Variants in ZNF131 observed in about 807,000 individuals in gnomAD.
ZNF131 encodes the protein zinc finger protein 131.
A neutral mutation model predicts 60.0 loss-of-function variants in ZNF131; 7 were observed. That is an observed-to-expected ratio of 0.12 (90% CI 0.07 to 0.22). The LOEUF (loss-of-function observed/expected upper bound fraction) is 0.22, where lower values mean the gene tolerates loss of function less well. ZNF131 is among the 10% of genes least tolerant of loss of function. The pLI, the probability that ZNF131 is intolerant of heterozygous loss-of-function variation, is 1.00. For synonymous variants in ZNF131, 257 were observed against 253.2 expected (o/e 1.01, Z -0.14); for missense variants, 493 against 740.9 (o/e 0.67, Z 3.88).
At chr5:43,160,525 C>T (rs200392197) in intron 4 of ZNF131, among the ~76,000 whole-genome samples, 2 of 149,130 alleles carry the variant, frequency 1.3e-5, no homozygotes, top group African/African-American at 4.8e-5. Flanking sequence ...AAGGTCTTCT[C>T]CTGTTTTCTT....
chr5:43,130,135 G>T (rs537658566), intron 3 of ZNF131, among the ~76,000 whole-genome samples: 10 of 151,484 alleles, frequency 6.6e-5, no homozygotes, highest in African/African-American at 1.7e-4. Context: ...ATGGCAGCGC[G>T]TGCCTGTAGT....
At chr5:43,160,837 A>G (rs1441940850) in intron 4 of ZNF131, among the ~76,000 whole-genome samples, 2 of 151,866 alleles carry the variant, frequency 1.3e-5, no homozygotes, top group East Asian at 3.9e-4. Flanking sequence ...GCATGCCACC[A>G]TGCCCAGCTA....
chr5:43,131,828 G>T (rs992608680), intron 3 of ZNF131, among the ~76,000 whole-genome samples: 1 of 151,874 alleles, frequency 6.6e-6, no homozygotes, highest in African/African-American at 2.4e-5. Context: ...AAAATGGGGG[G>T]ACTTTAGTAT....
At chr5:43,165,978 T>G (rs1307949661) in intron 5 of ZNF131, among the ~76,000 whole-genome samples, 1 of 152,256 alleles carries the variant, frequency 6.6e-6, no homozygotes, top group African/African-American at 2.4e-5. Context: ...ACTTTTATGT[T>G]ATAGAAATTC....
At chr5:43,137,348 C>T (rs1746251104) in intron 3 of ZNF131, among the ~76,000 whole-genome samples, 1 of 152,096 alleles carries the variant, frequency 6.6e-6, no homozygotes, top group African/African-American at 2.4e-5. Context: ...GAAACTCCCA[C>T]AACTGATAGT....
At chr5:43,170,169 T>G (rs767196008) in intron 5 of ZNF131, among the ~76,000 whole-genome samples, 6 of 152,174 alleles carry the variant, frequency 3.9e-5, no homozygotes, top group Non-Finnish European at 7.4e-5. Flanking sequence ...ATAAAACCAC[T>G]AAACCATTTA....
chr5:43,132,508 T>C (rs1745487111), intron 3 of ZNF131, among the ~76,000 whole-genome samples: 1 of 81,590 alleles, frequency 1.2e-5, no homozygotes, highest in South Asian at 4.0e-4. Flanking sequence ...TGGTATTCTT[T>C]TTTTTTTTTT....
At chr5:43,144,511 T>C (rs1181790895) in intron 4 of ZNF131, among the ~76,000 whole-genome samples, 1 of 152,180 alleles carries the variant, frequency 6.6e-6, no homozygotes, top group Non-Finnish European at 1.5e-5. Context: ...ATGACAGGCA[T>C]GAGCCATCAC....
chr5:43,141,255 C>CA (rs1392950003), intron 4 of ZNF131, among the ~76,000 whole-genome samples: 1 of 152,106 alleles, frequency 6.6e-6, no homozygotes, highest in African/African-American at 2.4e-5. Context: ...AGTACTCTTG[C>CA]AGAGAGACCT....
intron 4 of ZNF131, among the ~76,000 whole-genome samples, chr5:43,153,312 G>T (rs981866818): frequency 4.6e-5 from 7 of 151,852 alleles, no homozygotes; most frequent in Non-Finnish European, 1.0e-4. Flanking sequence ...ATTGTTGGGG[G>T]AAAAGAAAAT....
chr5:43,165,547 G>A (rs1343029541), intron 5 of ZNF131, among the ~76,000 whole-genome samples: 1 of 152,206 alleles, frequency 6.6e-6, no homozygotes, highest in African/African-American at 2.4e-5. Flanking sequence ...TATTTTGAAA[G>A]GAGTCTTCTG....
At chr5:43,127,345 C>G (rs998599034) in intron 3 of ZNF131, among the ~76,000 whole-genome samples, 4 of 152,150 alleles carry the variant, frequency 2.6e-5, no homozygotes, top group Non-Finnish European at 5.9e-5. Flanking sequence ...TTTAAAAGTT[C>G]TCTAGGTTCT....
intron 4 of ZNF131, among the ~76,000 whole-genome samples, chr5:43,156,952 A>G (rs557626720): frequency 1.3e-5 from 2 of 150,914 alleles, no homozygotes; most frequent in South Asian, 2.1e-4. Flanking sequence ...TGGTTTTAAC[A>G]TAAAGGTTAG....
At chr5:43,161,956 AT>A (rs769364327) in intron 5 of ZNF131, 25 bp downstream of exon 5, 31 of 1,532,222 alleles carry the variant, frequency 2.0e-5, no homozygotes, top group African/African-American at 5.6e-5. Context: ...CTTTGTTAAA[AT>A]TTTTTTTTCC....
In ZNF131 at chr5:43,161,654, C is replaced by T; in HGVS notation, c.777C>T (p.Asp259=). 1.2e-6 allele frequency: 2 copies of T among 1,614,232 alleles called. No individual in the cohort carries two copies. Among genetic ancestry groups the T allele is most frequent in the Non-Finnish European group, 1.7e-6 (2 of 1,180,026 alleles). The change falls in exon 5 of 7, where the codon GAC becomes GAT. Residue 259 remains aspartate, a synonymous_variant. Transcript: ENST00000682664. ...IVELQLSHVK[D]LFHCEKCNRS... The stretch of plus-strand genomic sequence containing the variant: ...AACTTCAGCTGTCACATGTGAAGGA[C>T]TTGTTCCATTGTGAGAAATGTAACC...
intron 4 of ZNF131, among the ~76,000 whole-genome samples, chr5:43,152,792 T>G (rs1748488861): frequency 6.6e-6 from 1 of 152,048 alleles, no homozygotes; most frequent in Admixed American, 6.5e-5. Context: ...TAATTTTTTG[T>G]GGAGATGGGG....
intron 3 of ZNF131, among the ~76,000 whole-genome samples, chr5:43,137,370 G>T (rs1351043574): frequency 1.3e-5 from 2 of 151,998 alleles, no homozygotes; most frequent in African/African-American, 4.8e-5. Context: ...AAAAATATCT[G>T]CCCAATTAAA....
chr5:43,132,281 A>G (rs497982), intron 3 of ZNF131, among the ~76,000 whole-genome samples: 10,181 of 152,292 alleles, frequency 0.067, 408 homozygotes, highest in South Asian at 0.13. Flanking sequence ...AAAGGGAACC[A>G]AATAAAACTA....
chr5:43,163,551 T>C (rs1433852941), intron 5 of ZNF131, among the ~76,000 whole-genome samples: 3 of 152,208 alleles, frequency 2.0e-5, no homozygotes, highest in African/African-American at 4.8e-5. Flanking sequence ...CTGACCTTGC[T>C]CAGGTTTCTT....
Sources: gnomAD v4.1 joint callset for allele counts (sites outside exome capture counted in the v4.1 genomes callset) on GRCh38, gnomAD v4.1.1 for gene constraint, MANE v1.5 for transcripts, NCBI Gene and HGNC (gene_info 2026-07-23, HGNC 2026-07-21) for gene names.